CABLES1: variants seen among roughly 807,000 people sequenced by gnomAD.
The protein encoded by CABLES1 is CDK5 and ABL1 enzyme substrate 1.
CABLES1 carries 36 observed loss-of-function variants against 57.8 expected under a neutral mutation model. The observed-to-expected ratio is 0.62, with a 90% CI of 0.48 to 0.82. The LOEUF (loss-of-function observed/expected upper bound fraction) is 0.82. Ranked by LOEUF, CABLES1 falls within the 40% of genes least tolerant of loss-of-function variation. CABLES1 has a pLI of 0.00. For synonymous variants in CABLES1, 374 were observed against 363.0 expected (o/e 1.03, Z -0.35); for missense variants, 767 against 836.6 (o/e 0.92, Z 1.03).
chr18:23,206,817 CTTT>C (rs774150949), intron 3 of CABLES1, among the ~76,000 whole-genome samples: 7 of 137,306 alleles, frequency 5.1e-5, no homozygotes, highest in East Asian at 2.1e-4. Context: ...GTTTGTGCAC[CTTT>C]TTTTTTTTTT....
chr18:23,246,547 A>AC (rs2047891238), intron 7 of CABLES1, among the ~76,000 whole-genome samples: 1 of 151,738 alleles, frequency 6.6e-6, no homozygotes, highest in Non-Finnish European at 1.5e-5. Context: ...ACCCGCCACC[A>AC]CACCCGGCTA....
chr18:23,179,062 A>G (rs960368443), intron 1 of CABLES1, among the ~76,000 whole-genome samples: 1 of 152,106 alleles, frequency 6.6e-6, no homozygotes, highest in African/African-American at 2.4e-5. Flanking sequence ...GAGGCGGGCC[A>G]ATTGCCTGAA....
intron 3 of CABLES1, among the ~76,000 whole-genome samples, chr18:23,213,433 T>G (rs1215043450): frequency 1.3e-5 from 2 of 152,178 alleles, no homozygotes; most frequent in Admixed American, 6.5e-5. Context: ...AGTAGTATCT[T>G]TATAGCAGGA....
At chr18:23,149,389 T>G (rs928338523) in intron 1 of CABLES1, among the ~76,000 whole-genome samples, 5 of 152,100 alleles carry the variant, frequency 3.3e-5, no homozygotes, top group Non-Finnish European at 2.9e-5. Context: ...TTGAGCCACC[T>G]TCCCACCTCA....
intron 2 of CABLES1, among the ~76,000 whole-genome samples, chr18:23,192,137 A>AT (rs1322005544): frequency 5.3e-5 from 8 of 152,232 alleles, no homozygotes; most frequent in African/African-American, 1.9e-4. Flanking sequence ...AGCATGCGTC[A>AT]TGAGAGGACT....
intron 3 of CABLES1, among the ~76,000 whole-genome samples, chr18:23,202,580 C>A (rs547387837): frequency 6.6e-6 from 1 of 152,314 alleles, no homozygotes; most frequent in South Asian, 2.1e-4. Flanking sequence ...AATCTCAGTT[C>A]CCAGCCATTA....
At chr18:23,173,752 C>T (rs2047100308) in intron 1 of CABLES1, among the ~76,000 whole-genome samples, 1 of 152,154 alleles carries the variant, frequency 6.6e-6, no homozygotes, top group Non-Finnish European at 1.5e-5. Context: ...CGCTTGCGCT[C>T]AAGAGTTCAA....
chr18:23,155,926 T>C (rs1445859231), intron 1 of CABLES1: 4 of 1,614,096 alleles, frequency 2.5e-6, no homozygotes, highest in African/African-American at 2.7e-5. Flanking sequence ...GGGGCTGCCA[T>C]GCAAGAATAT....
chr18:23,229,840 A>G (rs932831436), intron 4 of CABLES1, among the ~76,000 whole-genome samples: 4 of 152,058 alleles, frequency 2.6e-5, no homozygotes, highest in Admixed American at 6.5e-5. Context: ...TCACTCACAC[A>G]TAAAGACTGA....
intron 1 of CABLES1, among the ~76,000 whole-genome samples, chr18:23,182,852 C>T (rs1018136306): frequency 1.3e-5 from 2 of 152,200 alleles, no homozygotes; most frequent in Admixed American, 6.5e-5. Context: ...CTGCTGCACC[C>T]TCACTGGTTG....
At chr18:23,194,609 T>C in intron 3 of CABLES1, 69 bp downstream of exon 3, 1 of 1,028,020 alleles carries the variant, frequency 9.7e-7, no homozygotes, top group Non-Finnish European at 1.5e-6. Context: ...GAGGGGACAG[T>C]TTTAGTGGCC....
intron 1 of CABLES1, among the ~76,000 whole-genome samples, chr18:23,178,277 T>A (rs1961590300): frequency 6.6e-6 from 1 of 152,262 alleles, no homozygotes; most frequent in South Asian, 2.1e-4. Context: ...GCGTATTCCA[T>A]TGTGTGCCCC....
At chr18:23,183,275 A>T (rs2047180151) in intron 1 of CABLES1, among the ~76,000 whole-genome samples, 1 of 152,040 alleles carries the variant, frequency 6.6e-6, no homozygotes, top group Non-Finnish European at 1.5e-5. Flanking sequence ...TCCCCAAGTG[A>T]CCTTTCCTTA....
chr18:23,202,402 C>A (rs1160881465), intron 3 of CABLES1, among the ~76,000 whole-genome samples: 1 of 152,198 alleles, frequency 6.6e-6, no homozygotes, highest in Admixed American at 6.5e-5. Flanking sequence ...CGGCCCAGTG[C>A]CACAGCATCT....
chr18:23,218,652 T>G (rs991232863), intron 4 of CABLES1, among the ~76,000 whole-genome samples: 11 of 133,894 alleles, frequency 8.2e-5, no homozygotes, highest in African/African-American at 3.1e-4. Context: ...GCATCCTCAC[T>G]TGCCCTGGCT....
chr18:23,238,250 C>A (rs76648074), intron 7 of CABLES1, among the ~76,000 whole-genome samples: 14 of 152,266 alleles, frequency 9.2e-5, no homozygotes, highest in African/African-American at 3.4e-4. Context: ...AAACCCAGAT[C>A]TTCATTCAGA....
intron 3 of CABLES1, among the ~76,000 whole-genome samples, chr18:23,206,419 C>G (rs572979602): frequency 6.6e-6 from 1 of 152,244 alleles, no homozygotes; most frequent in Non-Finnish European, 1.5e-5. Flanking sequence ...AAAGGAAATA[C>G]CCACAGAAAT....
At chr18:23,151,969 A>G (rs2046933873) in intron 1 of CABLES1, among the ~76,000 whole-genome samples, 1 of 152,210 alleles carries the variant, frequency 6.6e-6, no homozygotes, top group Non-Finnish European at 1.5e-5. Context: ...GAAAGGCACA[A>G]TGGAGATGGA....
chr18:23,246,599 G>T (rs1036757574), intron 7 of CABLES1, among the ~76,000 whole-genome samples: 1 of 151,754 alleles, frequency 6.6e-6, no homozygotes, highest in Non-Finnish European at 1.5e-5. Flanking sequence ...CACCGTGTTA[G>T]CCAGGATGGT....
Sources: allele counts gnomAD v4.1 joint callset (sites outside exome capture counted in the v4.1 genomes callset), GRCh38; gene constraint gnomAD v4.1.1; transcripts MANE v1.5; gene names NCBI Gene and HGNC (gene_info 2026-07-23, HGNC 2026-07-21).